The following ZNF235 variants were observed in gnomAD, a reference collection of about 807,000 sequenced individuals.
The protein encoded by ZNF235 is zinc finger protein 235.
ZNF235 carries 25 observed loss-of-function variants against 29.4 expected under a neutral mutation model. The ratio of observed to expected loss-of-function variants is 0.85; its 90% CI spans 0.62 to 1.19. The LOEUF (loss-of-function observed/expected upper bound fraction) is 1.19. ZNF235 is among the 50% of genes most tolerant of loss of function. ZNF235 has a pLI of 0.00. For synonymous variants in ZNF235, 300 were observed against 295.3 expected (o/e 1.02, Z -0.16); for missense variants, 788 against 885.0 (o/e 0.89, Z 1.39).
chr19:44,301,035 G>A (rs1442031285), intron 2 of ZNF235, among the ~76,000 whole-genome samples: 1 of 151,790 alleles, frequency 6.6e-6, no homozygotes, highest in Non-Finnish European at 1.5e-5. Context: ...GTAATTTGGT[G>A]AGTGATATAA....
chr19:44,301,483 T>A (rs1975735676), intron 2 of ZNF235, among the ~76,000 whole-genome samples: 1 of 151,072 alleles, frequency 6.6e-6, no homozygotes, highest in Non-Finnish European at 1.5e-5. Context: ...TTTTTTTTTT[T>A]CTTTTTTGAG....
rs1192232675 is a variant in ZNF235, at chr19:44,298,800, G to A, written c.238+8C>T. The stretch of plus-strand genomic sequence containing the variant: ...TGTTAACTACGATTCCGGCTGCACA[G>A]TACTCACCTGAATGCTTACCTCTTT... On this transcript the variant is annotated splice_region_variant and intron_variant, in intron 4 of 4. Coordinates refer to ENST00000291182, the MANE Select transcript of ZNF235 (RefSeq NM_004234.4). 6.2e-7 allele frequency: 1 copy of A among 1,602,212 alleles called. No individual in the cohort carries two copies. The highest frequency in any genetic ancestry group is 1.3e-5 in the African/African-American group (1 of 74,776).
chr19:44,303,463 GA>G lies in ZNF235; in HGVS notation c.-48-12del. Reference sequence around the variant, plus strand: ...TCCGGGGAAGTGAACCTGAGGGAGGGAAAGGCATCATGAGATAGGTTAGGGA... The same window carrying G: ...TCCGGGGAAGTGAACCTGAGGGAGGGAAGGCATCATGAGATAGGTTAGGGA... On this transcript the variant is annotated splice_polypyrimidine_tract_variant and intron_variant, in intron 1 of 4. Coordinates refer to ENST00000291182, the MANE Select transcript of ZNF235 (RefSeq NM_004234.4). 2 of 1,596,864 alleles carry G rather than the reference GA, an allele frequency of 1.3e-6. No homozygotes were observed. The highest frequency in any genetic ancestry group is 1.1e-5 in the South Asian group (1 of 89,570).
chr19:44,287,603 G>A lies in ZNF235; in HGVS notation c.1832C>T (p.Ala611Val). The A allele has an allele frequency of 1.9e-6, 3 of 1,611,964 alleles. No individual in the cohort carries two copies. Among genetic ancestry groups the A allele is most frequent in the Non-Finnish European group, 2.5e-6 (3 of 1,179,380 alleles). ...TCTCTGATGGGCTTGAAGGTGTGAG[G>A]CCTGACTGAATCGCTTCTGACATGC... Reference protein sequence around the residue: ...CDACQKRFSQASHLQAHQRVH... With the variant: ...CDACQKRFSQVSHLQAHQRVH... Residue 611 changes from alanine to valine, a missense_variant, in exon 5 of 5, where the codon GCC (alanine) becomes GTC (valine). Ala to Val is a moderately conservative substitution (Grantham distance 64). Transcript: ENST00000291182.
At chr19:44,292,341 G>A (rs1568644438) in intron 4 of ZNF235, among the ~76,000 whole-genome samples, 1 of 151,614 alleles carries the variant, frequency 6.6e-6, no homozygotes, top group Non-Finnish European at 1.5e-5. Flanking sequence ...ATCAATTCAG[G>A]ATATGAATGA....
Position 44,287,331 on chromosome 19 carries a change from G to A in ZNF235, c.2104C>T (p.Gln702Ter). 1 of 1,613,990 alleles carries A rather than the reference G, an allele frequency of 6.2e-7. No individual in the cohort carries two copies. Among genetic ancestry groups the A allele is most frequent in the Non-Finnish European group, 8.5e-7 (1 of 1,179,936 alleles). The change falls in exon 5 of 5, where the codon CAG becomes TAG. Residue 702 changes from glutamine (Q) to a stop codon, truncating the protein, a stop_gained. Coordinates refer to ENST00000291182, the MANE Select transcript of ZNF235 (RefSeq NM_004234.4). LOFTEE classifies it high-confidence loss of function. ...GGCCTCTCTCCAGTGTGGACTCTCT[G>A]GTGTGTGTGAAAATGTGAGGCCTGA... ...FSQASHFHTH[Q>*]RVHTGERPYI...
intron 4 of ZNF235, among the ~76,000 whole-genome samples, chr19:44,296,864 A>C (rs1272901670): frequency 6.6e-6 from 1 of 152,232 alleles, no homozygotes; most frequent in African/African-American, 2.4e-5. Flanking sequence ...AAAATTCCAT[A>C]AATATGTGAA....
chr19:44,296,934 AATAT>A (rs1386584352), intron 4 of ZNF235, among the ~76,000 whole-genome samples: 1 of 152,218 alleles, frequency 6.6e-6, no homozygotes, highest in Non-Finnish European at 1.5e-5. Flanking sequence ...GAAACTAGAA[AATAT>A]CTTGGGATAA....
At position 44,302,991 on chromosome 19, in the gene ZNF235, AATATATAC is replaced by A. The variant is rs1319410279; in HGVS notation, c.15+391_15+398del. Among the ~76,000 whole-genome samples, 301 of 115,000 alleles carry A rather than the reference AATATATAC, an allele frequency of 2.6e-3. 2 individuals carry two copies. The highest frequency in any genetic ancestry group is 0.012 in the African/African-American group (284 of 24,542). 75.4% of individuals were successfully genotyped at this position (115,000 alleles called of 152,430 possible). On this transcript the variant is annotated intron_variant, in intron 2 of 4. Coordinates refer to ENST00000291182, the MANE Select transcript of ZNF235 (RefSeq NM_004234.4). ...GTATATATGTATATATTTATATATA[AATATATAC>A]ATATATACGTATATATTTATATAAA...
At chr19:44,302,392 T>A (rs576331100) in intron 2 of ZNF235, among the ~76,000 whole-genome samples, 1 of 152,262 alleles carries the variant, frequency 6.6e-6, no homozygotes, top group East Asian at 1.9e-4. Flanking sequence ...AAATTAAATT[T>A]AAAAAATTCG....
At chr19:44,299,564 G>T (rs773910963) in intron 3 of ZNF235, 42 bp downstream of exon 3, 7 of 1,609,634 alleles carry the variant, frequency 4.3e-6, no homozygotes, top group Non-Finnish European at 5.1e-6. Context: ...TGGCATGGAG[G>T]TTGAGAAACC....
In ZNF235 at chr19:44,298,822, C is replaced by T; in HGVS notation, c.224G>A (p.Arg75Lys). 2 of 1,613,792 alleles carry T rather than the reference C, an allele frequency of 1.2e-6. No homozygotes were observed. Among genetic ancestry groups the T allele is most frequent in the Non-Finnish European group, 1.7e-6 (2 of 1,179,654 alleles). Reference protein sequence around the residue: ...KLWMKELQTQRGKHSGDRNQN... With the variant: ...KLWMKELQTQKGKHSGDRNQN... ...ACAGTACTCACCTGAATGCTTACCT[C>T]TTTGGGTTTGAAGCTCCTTCATCCA... Residue 75 changes from arginine (R) to lysine (K), a missense_variant, in exon 4 of 5, where the codon AGA becomes AAA. Transcript: ENST00000291182.
intron 4 of ZNF235, chr19:44,291,028 G>T (rs1305356418): frequency 1.3e-5 from 2 of 152,194 alleles, no homozygotes; most frequent in Non-Finnish European, 2.9e-5. Context: ...TGAAGATACA[G>T]GCTTGAAGCA....
Position 44,287,090 on chromosome 19 carries a change from A to T in ZNF235, c.*128T>A. 1 of 952,108 alleles carries T rather than the reference A, an allele frequency of 1.1e-6. No individual in the cohort carries two copies. The highest frequency in any genetic ancestry group is 1.5e-6 in the Non-Finnish European group (1 of 659,572). The allele number at this position is 952,108 out of a possible 1,614,324, so 59.0% of individuals were successfully genotyped here. On this transcript the variant is annotated 3_prime_UTR_variant, in exon 5 of 5. Transcript: ENST00000291182. ...AAGTCTAAAACACAGCATTTGAGAG[A>T]CTTCTTTCCTGTCAAGATTCTTTGA...
At chr19:44,291,833 A>G (rs1000304467) in intron 4 of ZNF235, among the ~76,000 whole-genome samples, 1 of 152,162 alleles carries the variant, frequency 6.6e-6, no homozygotes, top group Non-Finnish European at 1.5e-5. Context: ...TAAGGAAGAA[A>G]CAATACCAAT....
At chr19:44,302,982 TTATATATAA>T (rs1568647642) in intron 2 of ZNF235, among the ~76,000 whole-genome samples, 18 of 116,992 alleles carry the variant, frequency 1.5e-4, no homozygotes, top group Admixed American at 6.7e-4. Context: ...ATGTATATAT[TTATATATAA>T]ATATATACAT....
intron 4 of ZNF235, among the ~76,000 whole-genome samples, chr19:44,296,095 G>T (rs1975650287): frequency 6.6e-6 from 1 of 152,130 alleles, no homozygotes; most frequent in Non-Finnish European, 1.5e-5. Context: ...ATTATAACAC[G>T]AAGTATAAAT....
chr19:44,303,280 C>T, intron 2 of ZNF235, 110 bp downstream of exon 2: 2 of 1,054,148 alleles, frequency 1.9e-6, no homozygotes, highest in Non-Finnish European at 2.9e-6. Flanking sequence ...CATATAACAA[C>T]ATTCCAAGTG....
chr19:44,303,490 T>A (rs1367853627), intron 1 of ZNF235, 38 bp from the exon 2 acceptor site: 2 of 1,565,806 alleles, frequency 1.3e-6, no homozygotes, highest in Non-Finnish European at 1.7e-6. Context: ...AGGTTAGGGA[T>A]GGCATTAGTC....
Sources: allele counts gnomAD v4.1 joint callset (sites outside exome capture counted in the v4.1 genomes callset), GRCh38; gene constraint gnomAD v4.1.1; transcripts MANE v1.5; gene names NCBI Gene and HGNC (gene_info 2026-07-23, HGNC 2026-07-21).